Variants in VTI1A observed in about 807,000 individuals in gnomAD.
The protein encoded by VTI1A is vesicle transport through interaction with t-SNAREs homolog 1A.
In VTI1A, 22 loss-of-function variants were observed where a neutral mutation model predicts 34.9. The observed-to-expected ratio is 0.63, with a 90% CI of 0.45 to 0.90. VTI1A has a LOEUF of 0.90. VTI1A is among the 40% of genes least tolerant of loss of function. VTI1A has a pLI of 0.00. For synonymous variants in VTI1A, 87 were observed against 97.3 expected (o/e 0.89, Z 0.62); for missense variants, 268 against 275.6 (o/e 0.97, Z 0.20).
chr10:112,632,612 A>G (rs2134627479), intron 5 of VTI1A, among the ~76,000 whole-genome samples: 1 of 152,334 alleles, frequency 6.6e-6, no homozygotes, highest in East Asian at 1.9e-4. Context: ...ATACCAGCTC[A>G]TCAATATTTT....
chr10:112,464,718 C>T, intron 3 of VTI1A, 61 bp downstream of exon 3: 2 of 1,409,302 alleles, frequency 1.4e-6, no homozygotes, highest in South Asian at 1.2e-5. Context: ...CCTCCTCATG[C>T]CTCAGTCAGC....
chr10:112,602,708 A>G (rs540534126), intron 5 of VTI1A, among the ~76,000 whole-genome samples: 1 of 152,356 alleles, frequency 6.6e-6, no homozygotes, highest in South Asian at 2.1e-4. Flanking sequence ...TAACATGTTT[A>G]TAAAGGATGC....
At chr10:112,714,777 T>C (rs1314489517) in intron 7 of VTI1A, among the ~76,000 whole-genome samples, 3 of 152,210 alleles carry the variant, frequency 2.0e-5, no homozygotes, top group Non-Finnish European at 4.4e-5. Context: ...AAAACGCTAT[T>C]CGATCAAAAA....
intron 3 of VTI1A, among the ~76,000 whole-genome samples, chr10:112,523,708 G>T (rs1450453657): frequency 1.3e-5 from 2 of 152,016 alleles, no homozygotes; most frequent in East Asian, 3.8e-4. Context: ...CACATATAAA[G>T]CACCAGTAGA....
chr10:112,581,458 A>C (rs776971549), intron 5 of VTI1A, among the ~76,000 whole-genome samples: 50 of 152,140 alleles, frequency 3.3e-4, no homozygotes, highest in Non-Finnish European at 6.5e-4. Flanking sequence ...TGTGTAAGTT[A>C]CTTAGGCTTT....
chr10:112,742,795 A>G (rs1056426337), intron 7 of VTI1A, among the ~76,000 whole-genome samples: 4 of 152,354 alleles, frequency 2.6e-5, no homozygotes, highest in African/African-American at 7.2e-5. Flanking sequence ...TTTGTTTTAC[A>G]GATGTACTAC....
chr10:112,660,393 C>A (rs937475107), intron 5 of VTI1A, among the ~76,000 whole-genome samples: 1 of 152,128 alleles, frequency 6.6e-6, no homozygotes, highest in Non-Finnish European at 1.5e-5. Context: ...CCACCATGCC[C>A]GGCCCAAGTT....
intron 2 of VTI1A, among the ~76,000 whole-genome samples, chr10:112,461,585 A>G (rs1847729409): frequency 6.6e-6 from 1 of 152,198 alleles, no homozygotes; most frequent in Non-Finnish European, 1.5e-5. Context: ...TTTTTATATA[A>G]ATACATCAGT....
At position 112,732,989 on chromosome 10, in the gene VTI1A, G is replaced by T. The variant is rs1157218763; in HGVS notation, c.560+63991G>T. Among the ~76,000 whole-genome samples the T allele has an allele frequency of 2.0e-5, 3 of 152,148 alleles. No homozygotes were observed. The East Asian group carries it at 5.8e-4, about 29-fold the overall frequency. On this transcript the variant is annotated intron_variant, in intron 7 of 7. Coordinates refer to ENST00000393077, the MANE Select transcript of VTI1A (RefSeq NM_145206.4). ...AGGCTATCAGCCTTCCCAGCAAAAC[G>T]TGCATAATAGCAGCTAGGAAGGAGT...
chr10:112,594,207 G>A (rs12257504), intron 5 of VTI1A, among the ~76,000 whole-genome samples: 1 of 152,084 alleles, frequency 6.6e-6, no homozygotes, highest in South Asian at 2.1e-4. Flanking sequence ...GCGCCCGGCC[G>A]GTCTCCATCT....
At chr10:112,493,618 C>G (rs1010704211) in intron 3 of VTI1A, among the ~76,000 whole-genome samples, 5 of 151,782 alleles carry the variant, frequency 3.3e-5, no homozygotes, top group African/African-American at 1.2e-4. Context: ...TTGTAAATGC[C>G]CTTTATCTGG....
At chr10:112,486,382 A>C (rs969988032) in intron 3 of VTI1A, among the ~76,000 whole-genome samples, 2 of 152,210 alleles carry the variant, frequency 1.3e-5, no homozygotes, top group Non-Finnish European at 2.9e-5. Flanking sequence ...ACAATGGGTT[A>C]ATCATGAAAT....
rs529422227 is a variant in VTI1A at position 112,454,325 on chromosome 10, C to T, written c.95-6199C>T. Among the ~76,000 whole-genome samples the T allele has an allele frequency of 5.9e-5, 9 of 152,262 alleles. No homozygotes were observed. In the South Asian group the frequency reaches 1.9e-3, roughly 32 times the overall value. ...ATGCAAAGACTTGTTTGTACGTCAG[C>T]ACTAAGAACTTCTATTGAGTAGGAA... On this transcript the variant is annotated intron_variant, in intron 1 of 7. Transcript: ENST00000393077.
At chr10:112,629,763 G>T (rs1846061608) in intron 5 of VTI1A, among the ~76,000 whole-genome samples, 1 of 152,206 alleles carries the variant, frequency 6.6e-6, no homozygotes, top group Admixed American at 6.5e-5. Flanking sequence ...TAGTAAGTTT[G>T]CTTGTTTGTT....
At position 112,810,953 on chromosome 10, in the gene VTI1A, A is replaced by T. The variant is rs1396481082; in HGVS notation, c.561-4337A>T. 4.8e-5 allele frequency among the ~76,000 whole-genome samples: 5 copies of T among 104,658 alleles called. No individual in the cohort carries two copies. In the East Asian group the frequency reaches 1.8e-3, roughly 37 times the overall value. The allele number at this position is 104,658 out of a possible 152,430, so 68.7% of individuals were successfully genotyped here. On this transcript the variant is annotated intron_variant, in intron 7 of 7. Transcript: ENST00000393077. ...CCAAGAGGCAAAAACCTGTTCTTCA[A>T]GAAAAAAAAAATCTTATCAGTCTTC...
At chr10:112,656,590 T>C (rs1310786461) in intron 5 of VTI1A, among the ~76,000 whole-genome samples, 1 of 145,582 alleles carries the variant, frequency 6.9e-6, no homozygotes, top group Non-Finnish European at 1.5e-5. Context: ...CATCTCAAAC[T>C]CCTGGGCTCA....
intron 4 of VTI1A, among the ~76,000 whole-genome samples, chr10:112,537,440 A>T (rs755909938): frequency 1.3e-4 from 19 of 150,810 alleles, no homozygotes; most frequent in African/African-American, 1.7e-4. Context: ...AAAAAAAATC[A>T]ACAACAACCA....
chr10:112,708,204 A>G (rs571770195), intron 7 of VTI1A, among the ~76,000 whole-genome samples: 1 of 152,326 alleles, frequency 6.6e-6, no homozygotes, highest in African/African-American at 2.4e-5. Flanking sequence ...AAATAGAATA[A>G]TTGTGTGGTA....
chr10:112,507,790 C>T (rs1288947373), intron 3 of VTI1A, among the ~76,000 whole-genome samples: 1 of 152,138 alleles, frequency 6.6e-6, no homozygotes, highest in African/African-American at 2.4e-5. Flanking sequence ...GGCTCAGGCT[C>T]CTTGAGATCC....
Sources: gnomAD v4.1 joint callset for allele counts (sites outside exome capture counted in the v4.1 genomes callset) on GRCh38, gnomAD v4.1.1 for gene constraint, MANE v1.5 for transcripts, NCBI Gene and HGNC (gene_info 2026-07-23, HGNC 2026-07-21) for gene names.